PITPNB: variants seen among roughly 807,000 people sequenced by gnomAD.
PITPNB encodes the protein phosphatidylinositol transfer protein beta.
A neutral mutation model predicts 45.9 loss-of-function variants in PITPNB; 16 were observed. The observed-to-expected ratio is 0.35, with a 90% confidence interval of 0.24 to 0.53. PITPNB has a LOEUF of 0.53. Among genes scored for constraint, PITPNB ranks in the 20% least tolerant of loss-of-function variants. The probability of loss-of-function intolerance (pLI) is 0.93; values close to 1 mark genes in which losing one functional copy is unlikely to be tolerated. For missense variants in PITPNB, 188 were observed against 330.5 expected, an observed-to-expected ratio of 0.57 and a Z score of 3.34; for synonymous variants, 112 against 108.9, an observed-to-expected ratio of 1.03 and a Z score of -0.18.
intron 1 of PITPNB, among the ~76,000 whole-genome samples, chr22:27,916,439 TCATCTAC>T (rs1412553135): frequency 6.6e-6 from 1 of 152,212 alleles, no homozygotes; most frequent in Non-Finnish European, 1.5e-5. Flanking sequence ...AATGGTAACT[TCATCTAC>T]TGCTTAAATA....
intron 8 of PITPNB, among the ~76,000 whole-genome samples, chr22:27,870,651 GTATAAAAATT>G (rs755581437): frequency 6.6e-5 from 10 of 152,326 alleles, no homozygotes; most frequent in Non-Finnish European, 1.3e-4. Flanking sequence ...CATTTCAGAA[GTATAAAAATT>G]TCCAACTATT....
rs115407873 is a variant in PITPNB at position 27,917,872 on chromosome 22, A to T, written c.20+1300T>A. Reference sequence around the variant, plus strand: ...AAGCAGGGAAGACAAATACCACCCCAAATAGTGGGAACTACAATTAGGTCT... The same window carrying T: ...AAGCAGGGAAGACAAATACCACCCCTAATAGTGGGAACTACAATTAGGTCT... On this transcript the variant is annotated intron_variant, in intron 1 of 11. Coordinates refer to ENST00000335272, the MANE Select transcript of PITPNB (RefSeq NM_012399.5). Among the ~76,000 whole-genome samples the T allele has an allele frequency of 8.0e-3, 1,215 of 152,290 alleles. 24 individuals are homozygous for T. Among genetic ancestry groups the T allele is most frequent in the African/African-American group, 0.028 (1,174 of 41,560 alleles).
intron 1 of PITPNB, among the ~76,000 whole-genome samples, chr22:27,918,748 G>A (rs894585518): frequency 6.6e-6 from 1 of 152,158 alleles, no homozygotes; most frequent in Non-Finnish European, 1.5e-5. Context: ...GTTACCAGGG[G>A]ACTCCACCCC....
chr22:27,885,211 CTAAAAAAAAAAAAAAAAA>C (rs1935084086), intron 7 of PITPNB, among the ~76,000 whole-genome samples: 1 of 19,896 alleles, frequency 5.0e-5, no homozygotes, highest in East Asian at 1.4e-3. Flanking sequence ...AAATTTATAC[CTAAAAAAAAAAAAAAAAA>C]AAAAAAAAAA....
chr22:27,869,026 C>T (rs1235105948), intron 8 of PITPNB, among the ~76,000 whole-genome samples: 1 of 152,136 alleles, frequency 6.6e-6, no homozygotes, highest in Non-Finnish European at 1.5e-5. Flanking sequence ...AACAATTCCT[C>T]ACCCAAATCA....
At chr22:27,902,275 A>G (rs1361097646) in intron 3 of PITPNB, among the ~76,000 whole-genome samples, 1 of 152,106 alleles carries the variant, frequency 6.6e-6, no homozygotes, top group Non-Finnish European at 1.5e-5. Context: ...TAAGACAGCA[A>G]AAGACTTAAC....
Position 27,862,962 on chromosome 22 carries a change from A to G in PITPNB, c.535-2721T>C, listed in dbSNP as rs115648141. On this transcript the variant is annotated intron_variant, in intron 8 of 11. Coordinates refer to ENST00000335272, the MANE Select transcript of PITPNB (RefSeq NM_012399.5). The stretch of plus-strand genomic sequence containing the variant: ...TGCAGAAGCAGTCAACAAGCCTTCC[A>G]TAAGACACAGCTAGCTTCTAAGTGC... Among the ~76,000 whole-genome samples the G allele has an allele frequency of 6.8e-3, 1,034 of 152,324 alleles. 6 individuals carry two copies. Among genetic ancestry groups the G allele is most frequent in the African/African-American group, 0.023 (935 of 41,554 alleles).
chr22:27,918,981 G>A (rs904834508), intron 1 of PITPNB, 191 bp downstream of exon 1: 1 of 804,016 alleles, frequency 1.2e-6, no homozygotes, highest in Non-Finnish European at 2.1e-6. Flanking sequence ...GTGTTACCAC[G>A]GCAATGCCTG....
In PITPNB at chr22:27,851,804, G is replaced by A. The variant is rs1934027908; in HGVS notation, c.*1898C>T. On this transcript the variant is annotated 3_prime_UTR_variant, in exon 12 of 12. Coordinates refer to ENST00000335272, the MANE Select transcript of PITPNB (RefSeq NM_012399.5). ...TTCCCTCAAATCTCCACAGTTGTTA[G>A]AAAAACATTAAAATCCATGCGCCGG... 6.6e-6 allele frequency: 1 copy of A among 152,174 alleles called. No individual in the cohort carries two copies. The highest frequency in any genetic ancestry group is 6.6e-5 in the Admixed American group (1 of 15,262). 9.4% of individuals were successfully genotyped at this position (152,174 alleles called of 1,614,324 possible). A position where few individuals can be genotyped will look rare whatever the true frequency, so the allele number is the denominator to read the frequency against.
intron 9 of PITPNB, among the ~76,000 whole-genome samples, 196 bp downstream of exon 9, chr22:27,859,935 A>G (rs183919938): frequency 1.4e-3 from 207 of 152,352 alleles, no homozygotes; most frequent in Middle Eastern, 6.8e-3. Context: ...GTCTCCAAAG[A>G]AAGTCCCTTA....
chr22:27,856,327 C>CA (rs1174575519), intron 10 of PITPNB, among the ~76,000 whole-genome samples: 4 of 152,128 alleles, frequency 2.6e-5, no homozygotes, highest in Non-Finnish European at 5.9e-5. Flanking sequence ...GTGCAATTCC[C>CA]AACTCACAAA....
chr22:27,895,820 T>G (rs1935416332), intron 6 of PITPNB, among the ~76,000 whole-genome samples: 1 of 152,186 alleles, frequency 6.6e-6, no homozygotes, highest in South Asian at 2.1e-4. Context: ...CTAGAGATTC[T>G]GGTTCGGTAG....
At chr22:27,896,745 C>T (rs1001891724) in intron 5 of PITPNB, 119 bp from the exon 6 acceptor site, 74 of 661,078 alleles carry the variant, frequency 1.1e-4, no homozygotes, top group African/African-American at 1.6e-4. Context: ...GAGACTGATA[C>T]TCAAGTGACA....
At position 27,889,815 on chromosome 22, in the gene PITPNB, T is replaced by C. The variant is rs1441526972; in HGVS notation, c.456+4740A>G. Among the ~76,000 whole-genome samples the C allele has an allele frequency of 3.9e-5, 6 of 152,372 alleles. No individual in the cohort carries two copies. The South Asian group carries it at 6.2e-4, about 16-fold the overall frequency. On this transcript the variant is annotated intron_variant, in intron 7 of 11. Coordinates refer to ENST00000335272, the MANE Select transcript of PITPNB (RefSeq NM_012399.5). ...TTCAGTACTATTGACTGCTATGACA[T>C]TACCGTTTTAGAATAGCAAAGGTGT... is the stretch of plus-strand genomic sequence containing the variant.
chr22:27,865,895 T>C (rs1290687863), intron 8 of PITPNB, among the ~76,000 whole-genome samples: 2 of 152,318 alleles, frequency 1.3e-5, no homozygotes, highest in Middle Eastern at 6.8e-3. Context: ...TTCTTCTTCA[T>C]TGGCTAAAAA....
At chr22:27,912,900 T>C (rs1935969836) in intron 2 of PITPNB, among the ~76,000 whole-genome samples, 1 of 149,580 alleles carries the variant, frequency 6.7e-6, no homozygotes. Context: ...GGAGAATTGC[T>C]TGAACCCAGG....
intron 7 of PITPNB, among the ~76,000 whole-genome samples, chr22:27,884,426 A>G (rs1443501416): frequency 1.3e-5 from 2 of 152,234 alleles, no homozygotes; most frequent in East Asian, 1.9e-4. Flanking sequence ...CTTACTGCGT[A>G]GCCCACAAAA....
intron 7 of PITPNB, among the ~76,000 whole-genome samples, chr22:27,890,369 T>TA (rs1935239295): frequency 6.6e-6 from 1 of 151,038 alleles, no homozygotes; most frequent in Non-Finnish European, 1.5e-5. Context: ...TTTTTTTTTT[T>TA]ACATCAAAAG....
intron 7 of PITPNB, among the ~76,000 whole-genome samples, chr22:27,875,978 A>G (rs1208891699): frequency 2.0e-5 from 3 of 152,202 alleles, no homozygotes; most frequent in Non-Finnish European, 4.4e-5. Flanking sequence ...TTTTAAAATG[A>G]ATTTTAAAAT....
Sources: gnomAD v4.1 joint callset for allele counts (sites outside exome capture counted in the v4.1 genomes callset) on GRCh38, gnomAD v4.1.1 for gene constraint, MANE v1.5 for transcripts, NCBI Gene and HGNC (gene_info 2026-07-23, HGNC 2026-07-21) for gene names.